The following MPP7 variants were observed in gnomAD, a reference collection of about 807,000 sequenced individuals.
MPP7 encodes MAGUK p55 subfamily member 7.
A neutral mutation model predicts 76.5 loss-of-function variants in MPP7; 60 were observed. That is an observed-to-expected ratio of 0.78 (90% CI 0.64 to 0.97). The LOEUF (loss-of-function observed/expected upper bound fraction) is 0.97, where lower values mean the gene tolerates loss of function less well. MPP7 is among the 50% of genes least tolerant of loss of function. The probability of loss-of-function intolerance (pLI) is 0.00; values close to 1 mark genes in which losing one functional copy is unlikely to be tolerated. For synonymous variants in MPP7, 237 were observed against 244.5 expected, an observed-to-expected ratio of 0.97 and a Z score of 0.29; for missense variants, 641 against 694.0, an observed-to-expected ratio of 0.92 and a Z score of 0.86.
chr10:28,069,677 T>C, intron 13 of MPP7, 95 bp downstream of exon 13: 1 of 1,063,556 alleles, frequency 9.4e-7, no homozygotes, highest in Non-Finnish European at 1.3e-6. Flanking sequence ...CCAAAAAATT[T>C]TAAAAACAAG....
At chr10:28,083,060 G>A (rs986974871) in intron 12 of MPP7, among the ~76,000 whole-genome samples, 12 of 152,002 alleles carry the variant, frequency 7.9e-5, no homozygotes, top group Non-Finnish European at 1.2e-4. Flanking sequence ...AATTGTTCCC[G>A]TGTCATGTGA....
chr10:28,058,360 C>T (rs1851644476), intron 15 of MPP7, 135 bp downstream of exon 15: 1 of 474,846 alleles, frequency 2.1e-6, no homozygotes, highest in Non-Finnish European at 3.8e-6. Context: ...TATTTAAATG[C>T]TTTTGCCATC....
intron 2 of MPP7, among the ~76,000 whole-genome samples, chr10:28,208,722 G>A (rs1838029497): frequency 6.6e-6 from 1 of 152,200 alleles, no homozygotes; most frequent in South Asian, 2.1e-4. Flanking sequence ...AAAGGGCCTA[G>A]CTCTATCTTC....
At chr10:28,241,214 C>G (rs1490180356) in intron 1 of MPP7, among the ~76,000 whole-genome samples, 1 of 152,082 alleles carries the variant, frequency 6.6e-6, no homozygotes, top group Non-Finnish European at 1.5e-5. Flanking sequence ...CATTCCAAAT[C>G]AAAATATCCT....
At chr10:28,124,177 A>G in intron 7 of MPP7, 61 bp from the exon 8 acceptor site, 1 of 1,096,190 alleles carries the variant, frequency 9.1e-7, no homozygotes, top group Non-Finnish European at 1.4e-6. Flanking sequence ...TGTAATTTGC[A>G]GCTGTTTCCA....
chr10:28,142,599 C>T (rs1170363336), intron 5 of MPP7, among the ~76,000 whole-genome samples: 3 of 152,014 alleles, frequency 2.0e-5, no homozygotes, highest in East Asian at 1.9e-4. Flanking sequence ...GGTGTGGTGG[C>T]GTGCACCTGT....
At chr10:28,095,809 T>C (rs1235273885) in intron 11 of MPP7, among the ~76,000 whole-genome samples, 1 of 152,200 alleles carries the variant, frequency 6.6e-6, no homozygotes, top group Non-Finnish European at 1.5e-5. Flanking sequence ...CAGTTTTACA[T>C]AAAAAATATT....
At chr10:28,069,959 G>T in intron 12 of MPP7, 107 bp from the exon 13 acceptor site, 1 of 721,376 alleles carries the variant, frequency 1.4e-6, no homozygotes, top group Non-Finnish European at 2.4e-6. Flanking sequence ...ATCCAGCTTT[G>T]CATCCTAAGT....
At chr10:28,203,641 C>A (rs1462967980) in intron 2 of MPP7, among the ~76,000 whole-genome samples, 1 of 152,072 alleles carries the variant, frequency 6.6e-6, no homozygotes, top group Admixed American at 6.6e-5. Context: ...GTATCTCAGC[C>A]TAACTCAATC....
At chr10:28,060,918 A>G (rs1399051709) in intron 13 of MPP7, among the ~76,000 whole-genome samples, 2 of 152,234 alleles carry the variant, frequency 1.3e-5, no homozygotes, top group African/African-American at 2.4e-5. Flanking sequence ...ATCTAAGCCA[A>G]TGAAGAAAAG....
rs150469784 is a variant in MPP7, at chr10:28,179,558, C to T, written c.156+22595G>A. On this transcript the variant is annotated intron_variant, in intron 3 of 16. Transcript: ENST00000683449. ...ACCTCTACTACAGAGTTTCACAACTCATTACATGAAATAAAAAAATTTCAC... is the reference window on the plus strand; with the variant it reads ...ACCTCTACTACAGAGTTTCACAACTTATTACATGAAATAAAAAAATTTCAC... Among the ~76,000 whole-genome samples, 226 of 152,292 alleles carry T rather than the reference C, an allele frequency of 1.5e-3. 2 individuals are homozygous for T. Among genetic ancestry groups the T allele is most frequent in the African/African-American group, 4.4e-3 (182 of 41,562 alleles).
rs143821547 is a variant in MPP7 at position 28,257,054 on chromosome 10, C to A, written c.-131-18319G>T. Among the ~76,000 whole-genome samples the A allele has an allele frequency of 2.6e-5, 4 of 152,280 alleles. No individual in the cohort carries two copies. In the East Asian group the frequency reaches 7.7e-4, roughly 29 times the overall value. ...ACCCACAGAAAGGAGAAAGATAGTT[C>A]TCAGAAACAGCATAAGTTTCAACAT... On this transcript the variant is annotated intron_variant, in intron 1 of 16. Coordinates refer to ENST00000683449, the MANE Select transcript of MPP7 (RefSeq NM_001318170.2).
At chr10:28,116,567 A>G (rs1384409396) in intron 11 of MPP7, among the ~76,000 whole-genome samples, 1 of 152,090 alleles carries the variant, frequency 6.6e-6, no homozygotes, top group African/African-American at 2.4e-5. Context: ...ACTAATATAA[A>G]TCCATTATGT....
intron 2 of MPP7, among the ~76,000 whole-genome samples, chr10:28,223,351 G>A (rs1435367118): frequency 1.3e-5 from 2 of 152,280 alleles, no homozygotes; most frequent in East Asian, 3.9e-4. Flanking sequence ...TGTTTCTTAA[G>A]GTGTGGCCTG....
At chr10:28,221,500 T>TC (rs1838505007) in intron 2 of MPP7, among the ~76,000 whole-genome samples, 1 of 152,182 alleles carries the variant, frequency 6.6e-6, no homozygotes, top group Admixed American at 6.5e-5. Context: ...GAGGAATTAT[T>TC]CTACCAAGAG....
At chr10:28,217,769 C>T (rs950106765) in intron 2 of MPP7, among the ~76,000 whole-genome samples, 7 of 152,100 alleles carry the variant, frequency 4.6e-5, no homozygotes, top group Admixed American at 6.6e-5. Context: ...GAATAAAGTC[C>T]TCATGCTTTG....
chr10:28,301,512 C>T (rs1841154765), intron 1 of MPP7, among the ~76,000 whole-genome samples: 1 of 152,196 alleles, frequency 6.6e-6, no homozygotes, highest in Non-Finnish European at 1.5e-5. Flanking sequence ...TAACCATCTC[C>T]ACCTCTGACC....
chr10:28,209,310 A>T (rs2134012371), intron 2 of MPP7, among the ~76,000 whole-genome samples: 1 of 152,146 alleles, frequency 6.6e-6, no homozygotes, highest in Non-Finnish European at 1.5e-5. Context: ...CCAAAAAAAA[A>T]TTTTATGTTA....
chr10:28,052,629 C>G lies in MPP7; in HGVS notation c.*1436G>C, dbSNP rs1851400164. The G allele has an allele frequency of 6.6e-6, 1 of 152,558 alleles. No homozygotes were observed. The highest frequency in any genetic ancestry group is 6.5e-5 in the Admixed American group (1 of 15,276). 9.5% of individuals were successfully genotyped at this position (152,558 alleles called of 1,614,324 possible). A position where few individuals can be genotyped will look rare whatever the true frequency, so the allele number is the denominator to read the frequency against. On this transcript the variant is annotated 3_prime_UTR_variant, in exon 17 of 17. Coordinates refer to ENST00000683449, the MANE Select transcript of MPP7 (RefSeq NM_001318170.2). ...AAACTACTCTTTTAAATTAGGACAT[C>G]TTGACATACAATCAGTTTATTTTAT... is the stretch of plus-strand genomic sequence containing the variant.
Sources: allele counts gnomAD v4.1 joint callset (sites outside exome capture counted in the v4.1 genomes callset), GRCh38; gene constraint gnomAD v4.1.1; transcripts MANE v1.5; gene names NCBI Gene and HGNC (gene_info 2026-07-23, HGNC 2026-07-21).